The following GRIN2A variants were observed in gnomAD, a reference collection of about 807,000 sequenced individuals.
GRIN2A encodes the protein glutamate ionotropic receptor NMDA type subunit 2A, also known as glutamate receptor ionotropic, NMDA 2A.
GRIN2A carries 22 observed loss-of-function variants against 113.4 expected under a neutral mutation model. The ratio of observed to expected loss-of-function variants is 0.19; its 90% CI spans 0.14 to 0.28. GRIN2A has a LOEUF of 0.28. GRIN2A is among the 10% of genes least tolerant of loss of function. GRIN2A has a pLI of 1.00. For missense variants in GRIN2A, 1,502 were observed against 1,887.0 expected (o/e 0.80, Z 3.78); for synonymous variants, 827 against 738.4 (o/e 1.12, Z -1.94).
At chr16:10,107,935 G>C (rs143751931) in intron 2 of GRIN2A, among the ~76,000 whole-genome samples, 1 of 152,334 alleles carries the variant, frequency 6.6e-6, no homozygotes, top group African/African-American at 2.4e-5. Context: ...CTGGTGGGGA[G>C]AGCTGAAGTT....
rs759140734 is a variant in GRIN2A, at chr16:10,180,199, A to AGCT, written c.210_212dup (p.Ala71dup). The AGCT allele has an allele frequency of 6.2e-7, 1 of 1,613,966 alleles. No homozygotes were observed. The highest frequency in any genetic ancestry group is 1.3e-5 in the African/African-American group (1 of 74,922). On this transcript the variant is annotated inframe_insertion, in exon 2 of 13. Coordinates refer to ENST00000330684, the MANE Select transcript of GRIN2A (RefSeq NM_001134407.3). This position sits in a 1 kb window ranked among gnomAD's most constrained non-coding sequence, Gnocchi z 7.0. Reference sequence around the variant, plus strand: ...TGGGGTCGGTGCGGTTCATCAGCAGAGCTACCACGTTCACGTCCAGGGGCA... The same window carrying AGCT: ...TGGGGTCGGTGCGGTTCATCAGCAGAGCTGCTACCACGTTCACGTCCAGGGGCA...
chr16:9,953,107 C>T (rs2045221737), intron 2 of GRIN2A, among the ~76,000 whole-genome samples: 2 of 152,130 alleles, frequency 1.3e-5, no homozygotes, highest in Admixed American at 1.3e-4. Context: ...AGAGAAATCT[C>T]ACTAAAGCAA....
At chr16:9,770,035 G>A (rs1398968322) in intron 11 of GRIN2A, among the ~76,000 whole-genome samples, 2 of 152,112 alleles carry the variant, frequency 1.3e-5, no homozygotes. Context: ...TCCAATGGGG[G>A]GAAGAAAAGA....
intron 2 of GRIN2A, among the ~76,000 whole-genome samples, chr16:10,129,672 G>C (rs577387625): frequency 6.6e-6 from 1 of 152,340 alleles, no homozygotes; most frequent in South Asian, 2.1e-4. Flanking sequence ...TTTGGTCTGA[G>C]ATATAAGCAG....
chr16:9,794,262 AC>A (rs1238569025), intron 11 of GRIN2A, among the ~76,000 whole-genome samples: 1 of 152,218 alleles, frequency 6.6e-6, no homozygotes, highest in Non-Finnish European at 1.5e-5. Flanking sequence ...CAATAACCAA[AC>A]ACTCCATTCA....
At chr16:10,094,775 C>T (rs1243518169) in intron 2 of GRIN2A, among the ~76,000 whole-genome samples, 3 of 151,464 alleles carry the variant, frequency 2.0e-5, no homozygotes, top group Admixed American at 2.0e-4. Context: ...AAAAGAGGAA[C>T]CCAGACCCTT....
At chr16:9,892,959 A>G (rs2043727132) in intron 3 of GRIN2A, among the ~76,000 whole-genome samples, 1 of 151,344 alleles carries the variant, frequency 6.6e-6, no homozygotes, top group South Asian at 2.1e-4. Context: ...AAGAAGAAGA[A>G]GAAGAAGAGA....
chr16:9,783,473 C>T (rs1034514441), intron 11 of GRIN2A, among the ~76,000 whole-genome samples: 12 of 152,196 alleles, frequency 7.9e-5, no homozygotes, highest in Non-Finnish European at 1.6e-4. Context: ...TATTTCGATC[C>T]TTCCTGGATG....
intron 11 of GRIN2A, among the ~76,000 whole-genome samples, chr16:9,788,889 C>T (rs1248797297): frequency 6.6e-6 from 1 of 151,890 alleles, no homozygotes; most frequent in Non-Finnish European, 1.5e-5. Context: ...ACTACAGGCA[C>T]CCACCACCAC....
At chr16:9,890,538 T>G (rs1358574719) in intron 4 of GRIN2A, among the ~76,000 whole-genome samples, 1 of 152,172 alleles carries the variant, frequency 6.6e-6, no homozygotes, top group Non-Finnish European at 1.5e-5. Flanking sequence ...AGTGATACAT[T>G]TAAGTTTTTA....
chr16:9,955,871 C>T (rs2045295310), intron 2 of GRIN2A, among the ~76,000 whole-genome samples: 1 of 152,180 alleles, frequency 6.6e-6, no homozygotes, highest in African/African-American at 2.4e-5. Context: ...CCGCCAGCTT[C>T]AACAAACCAG....
In GRIN2A at chr16:9,873,654, C is replaced by G. The variant is rs539540502; in HGVS notation, c.1122+17332G>C. 7.9e-5 allele frequency among the ~76,000 whole-genome samples: 12 copies of G among 152,318 alleles called. No individual in the cohort carries two copies. The South Asian group carries it at 2.3e-3, about 29-fold the overall frequency. ...AAAGTGGAGTGAAATGTTTACTATT[C>G]TTGCAGAAGAAGGCTGAACAAGTCT... is the stretch of plus-strand genomic sequence containing the variant. On this transcript the variant is annotated intron_variant, in intron 4 of 12. Transcript: ENST00000330684.
intron 8 of GRIN2A, among the ~76,000 whole-genome samples, chr16:9,831,496 G>T (rs1393611614): frequency 2.3e-4 from 32 of 137,216 alleles, no homozygotes; most frequent in Admixed American, 2.0e-3. Flanking sequence ...CCCTGCCATT[G>T]TTTTTTTTTT....
chr16:9,826,570 G>C (rs777804264), intron 9 of GRIN2A, among the ~76,000 whole-genome samples: 1 of 152,000 alleles, frequency 6.6e-6, no homozygotes, highest in Non-Finnish European at 1.5e-5. Context: ...ACCAACCACA[G>C]TGTACAATAA....
intron 4 of GRIN2A, among the ~76,000 whole-genome samples, chr16:9,870,691 G>A (rs1402401951): frequency 6.7e-6 from 1 of 149,388 alleles, no homozygotes; most frequent in Admixed American, 6.7e-5. Flanking sequence ...AAGGTGGAGT[G>A]CAGTGGCATG....
intron 4 of GRIN2A, among the ~76,000 whole-genome samples, chr16:9,873,197 G>A (rs1269256896): frequency 1.3e-5 from 2 of 152,192 alleles, no homozygotes; most frequent in Non-Finnish European, 2.9e-5. Context: ...TGGGTGTGAG[G>A]GAGGAGGCTG....
chr16:10,022,577 T>C (rs1324280006), intron 2 of GRIN2A, among the ~76,000 whole-genome samples: 2 of 152,218 alleles, frequency 1.3e-5, no homozygotes, highest in African/African-American at 2.4e-5. Context: ...CATAGTCTAT[T>C]TCCCACCCTC....
intron 3 of GRIN2A, among the ~76,000 whole-genome samples, chr16:9,905,705 T>C (rs74008872): frequency 6.6e-6 from 1 of 152,272 alleles, no homozygotes; most frequent in East Asian, 1.9e-4. Flanking sequence ...TCCTCCCTTA[T>C]GTATATCAGA....
At chr16:9,920,972 C>T (rs959174722) in intron 3 of GRIN2A, among the ~76,000 whole-genome samples, 7 of 152,136 alleles carry the variant, frequency 4.6e-5, no homozygotes, top group African/African-American at 1.7e-4. Context: ...GCTCAATCCT[C>T]TGTAGAGTTA....
Sources: allele counts gnomAD v4.1 joint callset (sites outside exome capture counted in the v4.1 genomes callset), GRCh38; gene constraint gnomAD v4.1.1; non-coding constraint Gnocchi (gnomAD v3.1); transcripts MANE v1.5; gene names NCBI Gene and HGNC (gene_info 2026-07-23, HGNC 2026-07-21).